The following ZSWIM5 variants were observed in gnomAD, a reference collection of about 807,000 sequenced individuals.
ZSWIM5 encodes the protein zinc finger SWIM-type containing 5.
A neutral mutation model predicts 119.6 loss-of-function variants in ZSWIM5; 55 were observed. The observed-to-expected ratio is 0.46, with a 90% CI of 0.37 to 0.58. The LOEUF is 0.58. Ranked by LOEUF, ZSWIM5 falls within the 20% of genes least tolerant of loss-of-function variation. ZSWIM5 has a pLI of 0.00. For missense variants in ZSWIM5, 1,193 were observed against 1,512.8 expected (o/e 0.79, Z 3.51); for synonymous variants, 537 against 606.9 (o/e 0.88, Z 1.69).
intron 1 of ZSWIM5, among the ~76,000 whole-genome samples, chr1:45,129,800 ATG>A (rs1645644065): frequency 6.6e-6 from 1 of 152,246 alleles, no homozygotes; most frequent in African/African-American, 2.4e-5. Context: ...CACAGATTAA[ATG>A]TAAAGTTATA....
rs1324346875 is a variant in ZSWIM5 at position 45,040,438 on chromosome 1, C to A, written c.1710G>T (p.Arg570Ser). The A allele has an allele frequency of 6.2e-7, 1 of 1,611,464 alleles. No homozygotes were observed. Among genetic ancestry groups the A allele is most frequent in the African/African-American group, 1.3e-5 (1 of 74,960 alleles). ...RLTVAIINTL[R>S]LQQQRQLEIY... ...TTTCCAGTTGCCGCTGCTGCTGCAA[C>A]CTCAGAGTATTAATAATGGCCACTG... is the stretch of plus-strand genomic sequence containing the variant. Residue 570 changes from arginine (R) to serine (S), a missense_variant, in exon 7 of 14, where the codon AGG (arginine) becomes AGT (serine). By Grantham distance (110) the Arg-to-Ser change is moderately radical (BLOSUM62 -1). Coordinates refer to ENST00000359600, the MANE Select transcript of ZSWIM5 (RefSeq NM_020883.2).
chr1:45,132,625 T>A (rs938680078), intron 1 of ZSWIM5, among the ~76,000 whole-genome samples: 3 of 152,076 alleles, frequency 2.0e-5, no homozygotes, highest in East Asian at 1.9e-4. Flanking sequence ...TCTTTTTTTT[T>A]ATTATACTTT....
intron 5 of ZSWIM5, among the ~76,000 whole-genome samples, chr1:45,044,804 AATAT>A (rs1239066301): frequency 0.012 from 27 of 2,340 alleles, no homozygotes; most frequent in African/African-American, 0.03. Context: ...TATATATATA[AATAT>A]ATATATATAT....
At chr1:45,167,973 G>A (rs1645918562) in intron 1 of ZSWIM5, among the ~76,000 whole-genome samples, 1 of 151,972 alleles carries the variant, frequency 6.6e-6, no homozygotes, top group African/African-American at 2.4e-5. Context: ...CCCATTACTG[G>A]GTATATACCC....
At chr1:45,097,118 TAA>T (rs761572368) in intron 1 of ZSWIM5, among the ~76,000 whole-genome samples, 5 of 152,170 alleles carry the variant, frequency 3.3e-5, no homozygotes, top group Non-Finnish European at 2.9e-5. Flanking sequence ...ATCCATGGTT[TAA>T]AAGAGTTCTG....
intron 9 of ZSWIM5, 58 bp downstream of exon 9, chr1:45,035,980 GA>G: frequency 6.3e-7 from 1 of 1,585,966 alleles, no homozygotes; most frequent in Non-Finnish European, 8.6e-7. Context: ...CTCTATTGGA[GA>G]GGGGAGCTCA....
intron 5 of ZSWIM5, among the ~76,000 whole-genome samples, chr1:45,048,899 T>G (rs1645072652): frequency 6.6e-6 from 1 of 152,174 alleles, no homozygotes; most frequent in Admixed American, 6.5e-5. Flanking sequence ...GGCAGGAGGA[T>G]TGCTTCAGCT....
At chr1:45,110,477 T>A (rs1049389878) in intron 1 of ZSWIM5, among the ~76,000 whole-genome samples, 1 of 152,124 alleles carries the variant, frequency 6.6e-6, no homozygotes, top group Non-Finnish European at 1.5e-5. Context: ...TCTGGGATGT[T>A]TTTGCAGAAA....
chr1:45,159,242 A>G (rs1298636826), intron 1 of ZSWIM5, among the ~76,000 whole-genome samples: 1 of 152,124 alleles, frequency 6.6e-6, no homozygotes, highest in Non-Finnish European at 1.5e-5. Flanking sequence ...ATAATATAGA[A>G]CTTGCTTTAT....
chr1:45,166,821 A>G (rs1015610844), intron 1 of ZSWIM5, among the ~76,000 whole-genome samples: 11 of 152,120 alleles, frequency 7.2e-5, no homozygotes, highest in African/African-American at 2.7e-4. Flanking sequence ...AAAATAAAAA[A>G]GGACACAAAC....
chr1:45,145,818 ACTAT>A (rs555478112), intron 1 of ZSWIM5, among the ~76,000 whole-genome samples: 1 of 152,200 alleles, frequency 6.6e-6, no homozygotes, highest in Non-Finnish European at 1.5e-5. Context: ...TTTTAAAAAT[ACTAT>A]CTATTTTTAG....
intron 2 of ZSWIM5, among the ~76,000 whole-genome samples, chr1:45,061,659 C>T (rs972689933): frequency 1.3e-5 from 2 of 151,660 alleles, no homozygotes; most frequent in Non-Finnish European, 2.9e-5. Context: ...GTGTGAGCCA[C>T]CATGCCCACC....
intron 11 of ZSWIM5, among the ~76,000 whole-genome samples, chr1:45,033,074 T>C (rs1644962414): frequency 6.6e-6 from 1 of 152,154 alleles, no homozygotes; most frequent in Admixed American, 6.6e-5. Flanking sequence ...TGATACTCCA[T>C]GCAGGCTACC....
At chr1:45,187,586 GA>G (rs952543261) in intron 1 of ZSWIM5, among the ~76,000 whole-genome samples, 14 of 151,474 alleles carry the variant, frequency 9.2e-5, no homozygotes, top group Non-Finnish European at 1.6e-4. Flanking sequence ...AAGCAACCGA[GA>G]AAAAAAATAA....
chr1:45,205,776 A>G lies in ZSWIM5; in HGVS notation c.575T>C (p.Val192Ala). The change falls in exon 1 of 14, where the codon GTG becomes GCG. Residue 192 changes from valine to alanine, a missense_variant. Transcript: ENST00000359600. ...RGIRLLDSGS[V>A]ENVLQVGFHL... The stretch of plus-strand genomic sequence containing the variant: ...CATACCGACTTGCAGCACGTTCTCC[A>G]CGGAGCCGCTGTCCAGCAGACGGAT... The G allele has an allele frequency of 6.4e-7, 1 of 1,566,854 alleles. No homozygotes were observed.
At chr1:45,045,427 T>A (rs2036426) in intron 5 of ZSWIM5, among the ~76,000 whole-genome samples, 1 of 152,292 alleles carries the variant, frequency 6.6e-6, no homozygotes, top group South Asian at 2.1e-4. Flanking sequence ...ATGAAAGAAC[T>A]TAACATATTC....
chr1:45,039,106 G>C lies in ZSWIM5; in HGVS notation c.1757-33C>G, dbSNP rs181672380. ...CAAGCAGGTTAAAATTTTAGACAGT[G>C]ATAGAGACAAACTGCTGTCTGTCCC... On this transcript the variant is annotated intron_variant, in intron 7 of 13. Coordinates refer to ENST00000359600, the MANE Select transcript of ZSWIM5 (RefSeq NM_020883.2). The C allele has an allele frequency of 2.2e-4, 347 of 1,611,366 alleles. 1 individual carries two copies. In the African/African-American group the frequency reaches 4.3e-3, roughly 20 times the overall value.
rs185731366 is a variant in ZSWIM5 at position 45,201,716 on chromosome 1, T to C, written c.595+4040A>G. 1.3e-3 allele frequency among the ~76,000 whole-genome samples: 192 copies of C among 152,314 alleles called. 1 individual carries two copies. Among genetic ancestry groups the C allele is most frequent in the Non-Finnish European group, 1.3e-3 (87 of 68,016 alleles). On this transcript the variant is annotated intron_variant, in intron 1 of 13. Transcript: ENST00000359600. Reference sequence around the variant, plus strand: ...GCTCTATCCTTGAGAAAGTCACCTTTAGAAAAATTCATTTAAAGCTTTCAT... The same window carrying C: ...GCTCTATCCTTGAGAAAGTCACCTTCAGAAAAATTCATTTAAAGCTTTCAT...
intron 1 of ZSWIM5, among the ~76,000 whole-genome samples, chr1:45,129,602 T>C (rs1032638607): frequency 6.6e-6 from 1 of 152,230 alleles, no homozygotes; most frequent in Non-Finnish European, 1.5e-5. Context: ...GACTTTCATA[T>C]ATTTACCTGC....
Sources: allele counts gnomAD v4.1 joint callset (sites outside exome capture counted in the v4.1 genomes callset), GRCh38; gene constraint gnomAD v4.1.1; transcripts MANE v1.5; gene names NCBI Gene and HGNC (gene_info 2026-07-23, HGNC 2026-07-21).